Variants in VEGFC observed in about 807,000 individuals in gnomAD.
The protein encoded by VEGFC is vascular endothelial growth factor C.
In VEGFC, 12 loss-of-function variants were observed where a neutral mutation model predicts 46.1. The observed-to-expected ratio is 0.26, with a 90% confidence interval of 0.17 to 0.42. The LOEUF (loss-of-function observed/expected upper bound fraction) is 0.42. Among genes scored for constraint, VEGFC ranks in the 10% least tolerant of loss-of-function variants. The probability of loss-of-function intolerance (pLI) is 1.00; values close to 1 mark genes in which losing one functional copy is unlikely to be tolerated. For missense variants in VEGFC, 488 were observed against 529.4 expected, an observed-to-expected ratio of 0.92 and a Z score of 0.77; for synonymous variants, 232 against 195.5, an observed-to-expected ratio of 1.19 and a Z score of -1.56.
chr4:176,742,912 T>C (rs1378057277), intron 1 of VEGFC, among the ~76,000 whole-genome samples: 1 of 151,990 alleles, frequency 6.6e-6, no homozygotes, highest in South Asian at 2.1e-4. Context: ...AGAAGACAAG[T>C]GGATGTCTCC....
At chr4:176,781,948 T>C (rs1735923718) in intron 1 of VEGFC, among the ~76,000 whole-genome samples, 1 of 152,220 alleles carries the variant, frequency 6.6e-6, no homozygotes, top group African/African-American at 2.4e-5. Flanking sequence ...GTGCTGCCTG[T>C]CTCAGAGTGG....
At chr4:176,783,730 A>G (rs1328284893) in intron 1 of VEGFC, among the ~76,000 whole-genome samples, 1 of 152,176 alleles carries the variant, frequency 6.6e-6, no homozygotes, top group Non-Finnish European at 1.5e-5. Flanking sequence ...AACATATTAT[A>G]GGCAGAACTA....
intron 1 of VEGFC, among the ~76,000 whole-genome samples, chr4:176,767,568 T>C (rs1189742528): frequency 6.6e-6 from 1 of 152,222 alleles, no homozygotes; most frequent in Non-Finnish European, 1.5e-5. Flanking sequence ...CCACTGTTGA[T>C]AGTACCTGGA....
At chr4:176,709,552 G>C (rs1408966435) in intron 4 of VEGFC, among the ~76,000 whole-genome samples, 1 of 152,160 alleles carries the variant, frequency 6.6e-6, no homozygotes, top group East Asian at 1.9e-4. Context: ...CTGAGAAATG[G>C]AGAGGGCTTT....
chr4:176,782,489 A>AT, intron 1 of VEGFC, among the ~76,000 whole-genome samples: 1 of 152,010 alleles, frequency 6.6e-6, no homozygotes, highest in Middle Eastern at 3.4e-3. Flanking sequence ...AAATTTTTAA[A>AT]TAAAAAAAAG....
chr4:176,777,149 T>TA (rs377638543), intron 1 of VEGFC, among the ~76,000 whole-genome samples: 17,237 of 150,186 alleles, frequency 0.11, 2,218 homozygotes, highest in African/African-American at 0.31. Flanking sequence ...CCATCTCTAC[T>TA]AAAAAAAAAT....
chr4:176,730,127 C>T (rs1392952488), intron 1 of VEGFC, among the ~76,000 whole-genome samples: 1 of 152,080 alleles, frequency 6.6e-6, no homozygotes. Flanking sequence ...TAATGCTTTG[C>T]TTTATTTTTA....
chr4:176,739,203 T>C (rs916056825), intron 1 of VEGFC, among the ~76,000 whole-genome samples: 1 of 151,772 alleles, frequency 6.6e-6, no homozygotes, highest in Non-Finnish European at 1.5e-5. Context: ...ACACTGTTTG[T>C]GGGAGTATTA....
chr4:176,787,693 C>T (rs532219197), intron 1 of VEGFC, among the ~76,000 whole-genome samples: 3 of 151,706 alleles, frequency 2.0e-5, no homozygotes, highest in African/African-American at 7.3e-5. Flanking sequence ...CATGGTTAAA[C>T]ATAAACTCTG....
chr4:176,754,230 G>GTT (rs750980548), intron 1 of VEGFC, among the ~76,000 whole-genome samples: 4 of 137,896 alleles, frequency 2.9e-5, no homozygotes, highest in East Asian at 4.3e-4. Flanking sequence ...GTCTTAACTT[G>GTT]TTTTTTTTTT....
intron 2 of VEGFC, among the ~76,000 whole-genome samples, chr4:176,728,864 C>A (rs879841885): frequency 1.3e-5 from 2 of 152,026 alleles, no homozygotes; most frequent in Admixed American, 6.6e-5. Context: ...ATTACTCCAC[C>A]ACTTTTTAAT....
At chr4:176,732,676 T>C (rs1734987421) in intron 1 of VEGFC, among the ~76,000 whole-genome samples, 2 of 150,822 alleles carry the variant, frequency 1.3e-5, no homozygotes, top group African/African-American at 2.4e-5. Context: ...GAAGATAACA[T>C]ATGGAGAGAA....
At chr4:176,702,895 G>T (rs188279432) in intron 4 of VEGFC, among the ~76,000 whole-genome samples, 1 of 152,026 alleles carries the variant, frequency 6.6e-6, no homozygotes, top group Admixed American at 6.6e-5. Flanking sequence ...TACACCAGGT[G>T]TACAGATAGC....
chr4:176,727,359 G>T (rs767924638), intron 3 of VEGFC, among the ~76,000 whole-genome samples: 7 of 152,096 alleles, frequency 4.6e-5, no homozygotes, highest in Non-Finnish European at 5.9e-5. Flanking sequence ...CAGAACACAC[G>T]CATTTAATTT....
At chr4:176,729,437 T>C (rs1468928154) in intron 2 of VEGFC, 96 bp downstream of exon 2, 4 of 995,840 alleles carry the variant, frequency 4.0e-6, no homozygotes, top group East Asian at 2.7e-5. Flanking sequence ...TAAAGGTGTA[T>C]TCGGTGATAC....
At chr4:176,790,679 C>T (rs928789069) in intron 1 of VEGFC, among the ~76,000 whole-genome samples, 1 of 152,040 alleles carries the variant, frequency 6.6e-6, no homozygotes, top group African/African-American at 2.4e-5. Context: ...AGTAAGTGAC[C>T]GTAACCAATA....
chr4:176,732,003 G>T (rs1407252077), intron 1 of VEGFC, among the ~76,000 whole-genome samples: 5 of 151,616 alleles, frequency 3.3e-5, no homozygotes, highest in South Asian at 2.1e-4. Flanking sequence ...AAGTAGAAAA[G>T]CTATTATATT....
At chr4:176,722,488 GTTT>G (rs138526102) in intron 3 of VEGFC, among the ~76,000 whole-genome samples, 1 of 134,980 alleles carries the variant, frequency 7.4e-6, no homozygotes, top group Non-Finnish European at 1.5e-5. Context: ...TTTTTCTTTT[GTTT>G]TTTTTTTGTT....
chr4:176,736,821 C>T (rs908132456), intron 1 of VEGFC, among the ~76,000 whole-genome samples: 8 of 151,418 alleles, frequency 5.3e-5, no homozygotes, highest in East Asian at 1.9e-4. Context: ...TAATAAGGTA[C>T]TGTTCACCAA....
Sources: gnomAD v4.1 joint callset for allele counts (sites outside exome capture counted in the v4.1 genomes callset) on GRCh38, gnomAD v4.1.1 for gene constraint, MANE v1.5 for transcripts, NCBI Gene and HGNC (gene_info 2026-07-23, HGNC 2026-07-21) for gene names.